Variants in CCDC175 observed in about 807,000 individuals in gnomAD.
CCDC175 encodes coiled-coil domain-containing protein 175.
In CCDC175, 100 loss-of-function variants were observed where a neutral mutation model predicts 114.6. The observed-to-expected ratio is 0.87, with a 90% CI of 0.74 to 1.03. The LOEUF (loss-of-function observed/expected upper bound fraction) is 1.03. Among genes scored for constraint, CCDC175 ranks in the 50% least tolerant of loss-of-function variants. The pLI is 0.00. For missense variants in CCDC175, 880 were observed against 917.8 expected (o/e 0.96, Z 0.53); for synonymous variants, 306 against 308.7 (o/e 0.99, Z 0.09).
chr14:59,506,137 C>T (rs1388905960), intron 19 of CCDC175, among the ~76,000 whole-genome samples: 1 of 151,956 alleles, frequency 6.6e-6, no homozygotes, highest in African/African-American at 2.4e-5. Context: ...TTAATAACTA[C>T]CTTGTTATAT....
intron 17 of CCDC175, among the ~76,000 whole-genome samples, chr14:59,520,110 C>A (rs1008006039): frequency 6.6e-6 from 1 of 152,160 alleles, no homozygotes; most frequent in Non-Finnish European, 1.5e-5. Flanking sequence ...ATTTTGTGAG[C>A]AAAGTAAATA....
At chr14:59,535,970 T>C (rs1894371515) in intron 13 of CCDC175, among the ~76,000 whole-genome samples, 2 of 152,238 alleles carry the variant, frequency 1.3e-5, no homozygotes, top group African/African-American at 2.4e-5. Flanking sequence ...AAGCCATTTC[T>C]GCCCAAGGCA....
Position 59,563,809 on chromosome 14 carries a change from T to A in CCDC175, c.771A>T (p.Gln257His). ...TREVKRMETY[Q>H]KKKELDKLQT... ...GTAATTTATCCAATTCTTTCTTCTT[T>A]TGATAAGTCTCCATTCTCTTTACTT... The change falls in exon 6 of 20, where the codon CAA (glutamine) becomes CAT (histidine). Residue 257 changes from glutamine (Q) to histidine (H), a missense_variant. Coordinates refer to ENST00000537690, the MANE Select transcript of CCDC175 (RefSeq NM_001164399.2). The A allele has an allele frequency of 6.9e-7, 1 of 1,441,706 alleles. No homozygotes were observed. The allele number at this position is 1,441,706 out of a possible 1,614,324, so 89.3% of individuals were successfully genotyped here. A position where few individuals can be genotyped will look rare whatever the true frequency, so the allele number is the denominator to read the frequency against.
chr14:59,515,925 C>A (rs1009000747), intron 17 of CCDC175, among the ~76,000 whole-genome samples: 1 of 152,144 alleles, frequency 6.6e-6, no homozygotes, highest in Non-Finnish European at 1.5e-5. Flanking sequence ...AACTAAAGCA[C>A]TCCTCAGCAA....
intron 3 of CCDC175, among the ~76,000 whole-genome samples, chr14:59,569,231 T>C (rs1046953439): frequency 6.6e-6 from 1 of 152,052 alleles, no homozygotes; most frequent in African/African-American, 2.4e-5. Flanking sequence ...AGCTAGGACA[T>C]TTTTTTTCTA....
At chr14:59,555,873 A>C (rs1279119232) in intron 7 of CCDC175, among the ~76,000 whole-genome samples, 1 of 151,942 alleles carries the variant, frequency 6.6e-6, no homozygotes. Flanking sequence ...CAATTGCTTC[A>C]AAGAGAATAA....
At chr14:59,534,879 T>C (rs566083823) in intron 13 of CCDC175, among the ~76,000 whole-genome samples, 1 of 152,334 alleles carries the variant, frequency 6.6e-6, no homozygotes, top group African/African-American at 2.4e-5. Flanking sequence ...AGGGCTGTTT[T>C]CCTTAGAATG....
At position 59,525,372 on chromosome 14, in the gene CCDC175, A is replaced by G; in HGVS notation, c.1905T>C (p.His635=). Residue 635 remains histidine (H), a synonymous_variant, in exon 16 of 20, where the codon CAT becomes CAC. Transcript: ENST00000537690. The stretch of plus-strand genomic sequence containing the variant: ...TTTCTAAGTTCTTTAGAGTTTCAAA[A>G]TGATCTTTGTTTTTTTTGCTTTCTT... ...RDQESKKNKD[H]FETLKNLENG... 1 of 1,520,386 alleles carries G rather than the reference A, an allele frequency of 6.6e-7. No homozygotes were observed. Among genetic ancestry groups the G allele is most frequent in the Non-Finnish European group, 8.8e-7 (1 of 1,140,880 alleles). The allele number at this position is 1,520,386 out of a possible 1,614,324, so 94.2% of individuals were successfully genotyped here. A position where few individuals can be genotyped will look rare whatever the true frequency, so the allele number is the denominator to read the frequency against.
intron 17 of CCDC175, among the ~76,000 whole-genome samples, chr14:59,512,937 C>A (rs7494341): frequency 1.6e-4 from 25 of 151,752 alleles, no homozygotes; most frequent in Non-Finnish European, 3.5e-4. Flanking sequence ...GTGAAGAATT[C>A]TATTACCTGA....
At chr14:59,543,054 T>C (rs1427271764) in intron 10 of CCDC175, among the ~76,000 whole-genome samples, 1 of 152,158 alleles carries the variant, frequency 6.6e-6, no homozygotes, top group Non-Finnish European at 1.5e-5. Flanking sequence ...AATGCAGAAA[T>C]GAACATCAAT....
chr14:59,532,294 G>A (rs1274288058), intron 13 of CCDC175, among the ~76,000 whole-genome samples: 1 of 152,188 alleles, frequency 6.6e-6, no homozygotes, highest in Non-Finnish European at 1.5e-5. Context: ...AATGTTGGAT[G>A]TGAGAAATGG....
chr14:59,509,045 T>C (rs938326541), intron 19 of CCDC175, among the ~76,000 whole-genome samples: 4 of 152,332 alleles, frequency 2.6e-5, no homozygotes, highest in East Asian at 1.9e-4. Flanking sequence ...CTACTTGTCA[T>C]AGATTATCCA....
chr14:59,540,153 G>A, intron 11 of CCDC175, among the ~76,000 whole-genome samples: 1 of 152,116 alleles, frequency 6.6e-6, no homozygotes, highest in East Asian at 1.9e-4. Context: ...TAGCTGCACT[G>A]ATCTAAATAC....
rs564701853 is a variant in CCDC175 at position 59,548,216 on chromosome 14, A to G, written c.1036-2917T>C. On this transcript the variant is annotated intron_variant, in intron 8 of 19. Transcript: ENST00000537690. ...TCAGGTACAGAAAAACAAATATTAC[A>G]TGATCCCAATTATACGCAAAATCTA... 4.6e-5 allele frequency among the ~76,000 whole-genome samples: 7 copies of G among 152,354 alleles called. No individual in the cohort carries two copies. In the South Asian group the frequency reaches 1.4e-3, roughly 32 times the overall value.
At chr14:59,544,190 G>C (rs1320171048) in intron 9 of CCDC175, among the ~76,000 whole-genome samples, 2 of 152,134 alleles carry the variant, frequency 1.3e-5, no homozygotes, top group African/African-American at 4.8e-5. Context: ...TTTTGAGACG[G>C]AGTCTGGCTC....
In CCDC175 at chr14:59,545,163, T is replaced by G. The variant is rs1895026949; in HGVS notation, c.1172A>C (p.Glu391Ala). 4 of 1,536,354 alleles carry G rather than the reference T, an allele frequency of 2.6e-6. No individual in the cohort carries two copies. The change falls in exon 9 of 20, where the codon GAA becomes GCA. Residue 391 changes from glutamate to alanine, a missense_variant and splice_region_variant. Glu to Ala is a moderately radical substitution (Grantham distance 107). Transcript: ENST00000537690. ...ATCACACGTGTGGGTAAAGACATAC[T>G]CATCATGAATCTTTTGTTTTTGCAA... The part of the protein sequence containing the change: ...AFLQKQKIHD[E>A]NQKQLTFISQ...
In CCDC175 at chr14:59,510,629, T is replaced by G. The variant is rs1348186151; in HGVS notation, c.2305+17A>C. On this transcript the variant is annotated intron_variant, in intron 19 of 19. Coordinates refer to ENST00000537690, the MANE Select transcript of CCDC175 (RefSeq NM_001164399.2). ...GCAGGAAGTCCCATGTTACCAAAGC[T>G]CTAAGCTGTTGCTTACTAAGAAGGT... 1 of 1,536,840 alleles carries G rather than the reference T, an allele frequency of 6.5e-7. No individual in the cohort carries two copies. The highest frequency in any genetic ancestry group is 1.2e-5 in the South Asian group (1 of 84,040).
In CCDC175 at chr14:59,521,541, C is replaced by T; in HGVS notation, c.2098+33G>A. 3 of 1,221,892 alleles carry T rather than the reference C, an allele frequency of 2.5e-6. No homozygotes were observed. In the South Asian group the frequency reaches 3.9e-5, roughly 16 times the overall value. The allele number at this position is 1,221,892 out of a possible 1,614,324, so 75.7% of individuals were successfully genotyped here. ...TATTAGTTCTGTCCCGCTAAAGAACCCTGACTAATACAAGCACCCACACAT... is the reference window on the plus strand; with the variant it reads ...TATTAGTTCTGTCCCGCTAAAGAACTCTGACTAATACAAGCACCCACACAT... On this transcript the variant is annotated intron_variant, in intron 17 of 19. Transcript: ENST00000537690.
intron 19 of CCDC175, among the ~76,000 whole-genome samples, chr14:59,509,936 T>G (rs1005614978): frequency 6.6e-6 from 1 of 152,232 alleles, no homozygotes; most frequent in Non-Finnish European, 1.5e-5. Context: ...GATGACAGTA[T>G]TCTTGTTTCA....
Sources: allele counts gnomAD v4.1 joint callset (sites outside exome capture counted in the v4.1 genomes callset), GRCh38; gene constraint gnomAD v4.1.1; transcripts MANE v1.5; gene names NCBI Gene and HGNC (gene_info 2026-07-23, HGNC 2026-07-21).